Variants in PLCL1 observed in about 807,000 individuals in gnomAD.
The protein encoded by PLCL1 is phospholipase C like 1 (inactive).
PLCL1 carries 41 observed loss-of-function variants against 84.4 expected under a neutral mutation model. That is an observed-to-expected ratio of 0.49 (90% CI 0.38 to 0.63). PLCL1 has a LOEUF of 0.63. PLCL1 is among the 30% of genes least tolerant of loss of function. The pLI is 0.00. For synonymous variants in PLCL1, 490 were observed against 488.3 expected, an observed-to-expected ratio of 1.00 and a Z score of -0.05; for missense variants, 1,206 against 1,367.8, an observed-to-expected ratio of 0.88 and a Z score of 1.87.
chr2:198,027,233 T>C lies in PLCL1; in HGVS notation c.241-56525T>C, dbSNP rs536735981. 9.8e-5 allele frequency among the ~76,000 whole-genome samples: 15 copies of C among 152,290 alleles called. 1 individual carries two copies. The South Asian group carries it at 3.1e-3, about 32-fold the overall frequency. ...ACATGGATGAACCTGGAGGCAATTA[T>C]GCTTAGTGAGATCAACCAGACTCAG... is the stretch of plus-strand genomic sequence containing the variant. On this transcript the variant is annotated intron_variant, in intron 1 of 5. Transcript: ENST00000428675.
chr2:197,944,990 A>G (rs1689243014), intron 1 of PLCL1, among the ~76,000 whole-genome samples: 1 of 152,228 alleles, frequency 6.6e-6, no homozygotes, highest in Non-Finnish European at 1.5e-5. Flanking sequence ...TTCTTTTGCC[A>G]TCATGAAACT....
At chr2:198,020,745 A>G (rs1298360550) in intron 1 of PLCL1, among the ~76,000 whole-genome samples, 1 of 152,164 alleles carries the variant, frequency 6.6e-6, no homozygotes, top group Non-Finnish European at 1.5e-5. Context: ...CAGATTCATA[A>G]AGCAAGTTCT....
intron 1 of PLCL1, among the ~76,000 whole-genome samples, chr2:197,875,734 A>T (rs1687720804): frequency 6.6e-6 from 1 of 152,162 alleles, no homozygotes. Context: ...GGCTTAAAAA[A>T]AAAAACCGTA....
chr2:197,909,560 T>C (rs1227158578), intron 1 of PLCL1, among the ~76,000 whole-genome samples: 1 of 152,132 alleles, frequency 6.6e-6, no homozygotes, highest in African/African-American at 2.4e-5. Context: ...ACAGGCTGAC[T>C]TTGCAGAGAT....
At chr2:197,871,083 C>A (rs1687643772) in intron 1 of PLCL1, among the ~76,000 whole-genome samples, 1 of 151,990 alleles carries the variant, frequency 6.6e-6, no homozygotes, top group Admixed American at 6.6e-5. Flanking sequence ...GGTCTAATGC[C>A]ATACAGAGAG....
In PLCL1 at chr2:198,085,225, G is replaced by A. The variant is rs148333022; in HGVS notation, c.1708G>A (p.Val570Ile). The A allele has an allele frequency of 3.7e-5, 59 of 1,613,824 alleles. No homozygotes were observed. The African/African-American group carries it at 7.1e-4, about 19-fold the overall frequency. Residue 570 changes from valine to isoleucine, a missense_variant, in exon 2 of 6, where the codon GTA becomes ATA. Physicochemically the swap from Val to Ile is conservative, Grantham distance 29. Transcript: ENST00000428675. This position sits in a 1 kb window ranked among gnomAD's most constrained non-coding sequence, Gnocchi z 5.3. The part of the protein sequence containing the change: ...EEAEMSRRMS[V>I]DYNGEQKQIR... ...AGCTGAAATGTCTCGAAGGATGTCG[G>A]TAGATTACAATGGTGAGCAGAAGCA...
chr2:197,839,721 G>C (rs1353685859), intron 1 of PLCL1, among the ~76,000 whole-genome samples: 1 of 152,164 alleles, frequency 6.6e-6, no homozygotes, highest in Non-Finnish European at 1.5e-5. Context: ...AGAAGAAACA[G>C]GTTTCATATT....
chr2:198,102,126 A>G (rs1055316888), intron 4 of PLCL1, among the ~76,000 whole-genome samples: 2 of 152,038 alleles, frequency 1.3e-5, no homozygotes, highest in African/African-American at 2.4e-5. Context: ...CTGCCCTTTG[A>G]ATCCAGACCA....
chr2:198,130,781 C>T (rs1163261155), intron 5 of PLCL1, among the ~76,000 whole-genome samples: 2 of 152,086 alleles, frequency 1.3e-5, no homozygotes, highest in Non-Finnish European at 2.9e-5. Context: ...TCCTTAATAC[C>T]TCCCTAGGAA....
chr2:197,875,116 T>C (rs915171679), intron 1 of PLCL1, among the ~76,000 whole-genome samples: 3 of 152,060 alleles, frequency 2.0e-5, no homozygotes. Flanking sequence ...TGAAACCCCA[T>C]CTCCACTAAA....
chr2:198,085,270 C>T lies in PLCL1; in HGVS notation c.1753C>T (p.Leu585Phe), dbSNP rs149251715. ...GAAGCAAATCCGACTCTGTAGGGAG[C>T]TCTCTGATTTGGTGTCTATTTGTAA... ...EQKQIRLCRE[L>F]SDLVSICKSV... is the part of the protein sequence containing the mutation. Residue 585 changes from leucine to phenylalanine, a missense_variant, in exon 2 of 6, where the codon CTC (leucine) becomes TTC (phenylalanine). Transcript: ENST00000428675. The surrounding 1 kb of genome is among the most constrained non-coding windows in gnomAD (Gnocchi z 5.3). 184 of 1,613,872 alleles carry T rather than the reference C, an allele frequency of 1.1e-4. 3 individuals are homozygous for T. The South Asian group carries it at 1.3e-3, about 12-fold the overall frequency.
chr2:197,837,241 G>C (rs1691211262), intron 1 of PLCL1, among the ~76,000 whole-genome samples: 1 of 152,108 alleles, frequency 6.6e-6, no homozygotes, highest in Non-Finnish European at 1.5e-5. Context: ...TGGATCTCAG[G>C]ACAAAAGACT....
At chr2:197,897,045 A>G (rs1688148357) in intron 1 of PLCL1, among the ~76,000 whole-genome samples, 1 of 152,132 alleles carries the variant, frequency 6.6e-6, no homozygotes, top group Non-Finnish European at 1.5e-5. Context: ...ATTAAGCCAA[A>G]CAGTATAGTT....
intron 2 of PLCL1, among the ~76,000 whole-genome samples, chr2:198,088,549 C>A (rs1288679197): frequency 1.3e-5 from 2 of 152,172 alleles, no homozygotes; most frequent in Admixed American, 6.5e-5. Context: ...CAGTGTACAA[C>A]CCCTGCCATT....
rs970849292 is a variant in PLCL1 at position 197,923,885 on chromosome 2, C to G, written c.240+118546C>G. On this transcript the variant is annotated intron_variant, in intron 1 of 5. Transcript: ENST00000428675. ...TGGGCACCATTGAGCACTGAGTGAACGAGACTCCGTCTGCAATCCCGGCAC... is the reference window on the plus strand; with the variant it reads ...TGGGCACCATTGAGCACTGAGTGAAGGAGACTCCGTCTGCAATCCCGGCAC... 5.9e-5 allele frequency among the ~76,000 whole-genome samples: 9 copies of G among 151,406 alleles called. No individual in the cohort carries two copies. The South Asian group carries it at 1.0e-3, about 18-fold the overall frequency.
chr2:197,862,620 C>G (rs1687453186), intron 1 of PLCL1, among the ~76,000 whole-genome samples: 1 of 152,106 alleles, frequency 6.6e-6, no homozygotes, highest in African/African-American at 2.4e-5. Flanking sequence ...TGGTGCCAGT[C>G]TCAGGCTTGA....
intron 1 of PLCL1, among the ~76,000 whole-genome samples, chr2:197,853,970 C>T (rs183790524): frequency 6.2e-4 from 95 of 152,280 alleles, no homozygotes; most frequent in African/African-American, 2.1e-3. Context: ...ACCAGTTCCT[C>T]AGGGTGTGTT....
chr2:197,872,083 G>A (rs936643813), intron 1 of PLCL1, among the ~76,000 whole-genome samples: 4 of 152,074 alleles, frequency 2.6e-5, no homozygotes, highest in Non-Finnish European at 5.9e-5. Flanking sequence ...TGAGTAACTC[G>A]GACTAATATT....
intron 1 of PLCL1, among the ~76,000 whole-genome samples, chr2:197,948,415 C>T (rs1689323510): frequency 6.6e-6 from 1 of 152,112 alleles, no homozygotes; most frequent in African/African-American, 2.4e-5. Context: ...ACTCCTTTGA[C>T]AGGCTTGTGA....
Sources: gnomAD v4.1 joint callset for allele counts (sites outside exome capture counted in the v4.1 genomes callset) on GRCh38, gnomAD v4.1.1 for gene constraint, Gnocchi (gnomAD v3.1) non-coding constraint, MANE v1.5 for transcripts, NCBI Gene and HGNC (gene_info 2026-07-23, HGNC 2026-07-21) for gene names.